Variants in CAMK2D observed in about 807,000 individuals in gnomAD.
CAMK2D encodes the protein calcium/calmodulin-dependent protein kinase type II subunit delta.
A neutral mutation model predicts 84.0 loss-of-function variants in CAMK2D; 37 were observed. The observed-to-expected ratio is 0.44, with a 90% CI of 0.34 to 0.58. The LOEUF is 0.58. Among genes scored for constraint, CAMK2D ranks in the 20% least tolerant of loss-of-function variants. CAMK2D has a pLI of 0.02. For synonymous variants in CAMK2D, 202 were observed against 212.5 expected (o/e 0.95, Z 0.43); for missense variants, 448 against 652.5 (o/e 0.69, Z 3.41).
chr4:113,760,924 C>CG lies in CAMK2D; in HGVS notation c.65+79dup, dbSNP rs900694075. The CG allele has an allele frequency of 6.3e-4, 987 of 1,575,788 alleles. 13 individuals carry two copies. The highest frequency in any genetic ancestry group is 2.8e-4 in the Admixed American group (17 of 59,950). On this transcript the variant is annotated intron_variant, in intron 1 of 20. Transcript: ENST00000511664. ...TCTCCCAAACTCCCTCGCCCCAAGA[C>CG]GGAGGCCGGTGGGTCGGGGGCAACG...
In CAMK2D at chr4:113,468,130, C is replaced by T. The variant is rs115953891; in HGVS notation, c.1136-2526G>A. On this transcript the variant is annotated intron_variant, in intron 16 of 20. Transcript: ENST00000511664. ...AAGTTTCTGAAAGTCTCTGCACTGCCTCACAAGCATAATATGGAATTAGAA... is the reference window on the plus strand; with the variant it reads ...AAGTTTCTGAAAGTCTCTGCACTGCTTCACAAGCATAATATGGAATTAGAA... Among the ~76,000 whole-genome samples the T allele has an allele frequency of 2.3e-3, 347 of 152,164 alleles. 1 individual carries two copies. The highest frequency in any genetic ancestry group is 7.4e-3 in the African/African-American group (309 of 41,528).
At chr4:113,696,195 GACACACAC>G (rs56784441) in intron 2 of CAMK2D, among the ~76,000 whole-genome samples, 1,733 of 144,578 alleles carry the variant, frequency 0.012, 28 homozygotes, top group African/African-American at 0.036. Flanking sequence ...CAGACACACA[GACACACAC>G]ACACACACAC....
intron 2 of CAMK2D, among the ~76,000 whole-genome samples, chr4:113,680,957 T>C (rs532539586): frequency 6.6e-6 from 1 of 152,320 alleles, no homozygotes; most frequent in Non-Finnish European, 1.5e-5. Flanking sequence ...ACCATTCCCC[T>C]AAATTAGGAG....
Position 113,454,100 on chromosome 4 carries a change from A to G in CAMK2D, c.*445T>C, listed in dbSNP as rs1368027506. On this transcript the variant is annotated 3_prime_UTR_variant, in exon 21 of 21. Coordinates refer to ENST00000511664, the MANE Select transcript of CAMK2D (RefSeq NM_001321571.2). Reference sequence around the variant, plus strand: ...TTTTTTTACCTTAAAAAAAAAAAAAAAAACCAAACAAACCAAAACAGATTA... The same window carrying G: ...TTTTTTTACCTTAAAAAAAAAAAAAGAAACCAAACAAACCAAAACAGATTA... 3 of 153,050 alleles carry G rather than the reference A, an allele frequency of 2.0e-5. No homozygotes were observed. Among genetic ancestry groups the G allele is most frequent in the African/African-American group, 7.2e-5 (3 of 41,474 alleles). The allele number at this position is 153,050 out of a possible 1,614,324, so 9.5% of individuals were successfully genotyped here.
At chr4:113,639,486 A>G (rs543648608) in intron 3 of CAMK2D, among the ~76,000 whole-genome samples, 1 of 152,250 alleles carries the variant, frequency 6.6e-6, no homozygotes, top group African/African-American at 2.4e-5. Context: ...GCATAGGGCC[A>G]CTGTGCAAAT....
intron 3 of CAMK2D, among the ~76,000 whole-genome samples, chr4:113,645,884 G>GT (rs961353971): frequency 6.6e-6 from 1 of 152,190 alleles, no homozygotes; most frequent in Non-Finnish European, 1.5e-5. Context: ...GCTGCAGGGT[G>GT]TATGAGAAAC....
intron 4 of CAMK2D, among the ~76,000 whole-genome samples, chr4:113,601,754 G>A (rs1370734402): frequency 7.9e-6 from 1 of 126,970 alleles, no homozygotes; most frequent in African/African-American, 3.0e-5. Context: ...AGAGTGCAGT[G>A]GCGTGATCAC....
intron 3 of CAMK2D, among the ~76,000 whole-genome samples, chr4:113,656,146 T>C (rs2099199199): frequency 6.6e-6 from 1 of 152,152 alleles, no homozygotes; most frequent in African/African-American, 2.4e-5. Flanking sequence ...GATCAAACAT[T>C]AACTAAGCTA....
intron 17 of CAMK2D, among the ~76,000 whole-genome samples, chr4:113,463,416 G>A (rs1044219256): frequency 1.3e-5 from 2 of 151,830 alleles, no homozygotes; most frequent in African/African-American, 2.4e-5. Context: ...CACTCTTGTT[G>A]CCCAGGCTGG....
chr4:113,734,085 C>G (rs1228775351), intron 2 of CAMK2D, among the ~76,000 whole-genome samples: 1 of 151,544 alleles, frequency 6.6e-6, no homozygotes, highest in Non-Finnish European at 1.5e-5. Flanking sequence ...TTAAAATTCT[C>G]TTGTTGAAAA....
At chr4:113,740,740 G>T (rs978188776) in intron 2 of CAMK2D, among the ~76,000 whole-genome samples, 1 of 151,890 alleles carries the variant, frequency 6.6e-6, no homozygotes, top group African/African-American at 2.4e-5. Context: ...CCATCAGCAA[G>T]TCCTAAATTT....
chr4:113,499,110 G>A (rs1336957875), intron 16 of CAMK2D, among the ~76,000 whole-genome samples: 1 of 152,084 alleles, frequency 6.6e-6, no homozygotes, highest in Admixed American at 6.5e-5. Flanking sequence ...CAAAGATAAT[G>A]CTTCCTGAAT....
intron 2 of CAMK2D, among the ~76,000 whole-genome samples, chr4:113,713,831 G>A (rs368972181): frequency 1.3e-5 from 2 of 151,398 alleles, no homozygotes; most frequent in East Asian, 3.9e-4. Context: ...CTCAGGCTGT[G>A]GCTTACATAT....
chr4:113,679,378 A>T lies in CAMK2D; in HGVS notation c.161-17606T>A, dbSNP rs1043140724. On this transcript the variant is annotated intron_variant, in intron 2 of 20. Coordinates refer to ENST00000511664, the MANE Select transcript of CAMK2D (RefSeq NM_001321571.2). ...CTCTTATCCTCTTCTCTACTAACAC[A>T]TGCGGTTGTTTTTTAAATACTTGCC... 11 of 672,964 alleles carry T rather than the reference A, an allele frequency of 1.6e-5. No individual in the cohort carries two copies. The African/African-American group carries it at 2.1e-4, about 13-fold the overall frequency. The allele number at this position is 672,964 out of a possible 1,614,324, so 41.7% of individuals were successfully genotyped here.
intron 14 of CAMK2D, among the ~76,000 whole-genome samples, chr4:113,504,205 C>G (rs1271803749): frequency 6.6e-6 from 1 of 151,916 alleles, no homozygotes; most frequent in African/African-American, 2.4e-5. Context: ...AAATATGAAA[C>G]AGTTTAGGGA....
At chr4:113,613,720 T>C (rs1467624523) in intron 3 of CAMK2D, among the ~76,000 whole-genome samples, 3 of 152,148 alleles carry the variant, frequency 2.0e-5, no homozygotes, top group Non-Finnish European at 4.4e-5. Flanking sequence ...TTTTATCTGA[T>C]AGAACATTTA....
intron 2 of CAMK2D, among the ~76,000 whole-genome samples, chr4:113,677,170 A>G (rs2099321902): frequency 6.6e-6 from 1 of 152,094 alleles, no homozygotes; most frequent in South Asian, 2.1e-4. Flanking sequence ...TCTTTTCTTC[A>G]AGGAAGCCAT....
intron 2 of CAMK2D, among the ~76,000 whole-genome samples, chr4:113,677,255 C>A (rs958103542): frequency 2.6e-5 from 4 of 152,140 alleles, no homozygotes; most frequent in Admixed American, 2.6e-4. Flanking sequence ...ATACTTGACC[C>A]ATTTGTGATT....
intron 6 of CAMK2D, among the ~76,000 whole-genome samples, chr4:113,546,240 T>A (rs2154194880): frequency 6.6e-6 from 1 of 152,292 alleles, no homozygotes; most frequent in African/African-American, 2.4e-5. Flanking sequence ...GTGCTGTGGG[T>A]TCTGAGAGGT....
Sources: gnomAD v4.1 joint callset for allele counts (sites outside exome capture counted in the v4.1 genomes callset) on GRCh38, gnomAD v4.1.1 for gene constraint, MANE v1.5 for transcripts, NCBI Gene and HGNC (gene_info 2026-07-23, HGNC 2026-07-21) for gene names.